The following KCNB2 variants were observed in gnomAD, a reference collection of about 807,000 sequenced individuals.
The protein encoded by KCNB2 is delayed rectifier potassium channel protein.
A neutral mutation model predicts 61.5 loss-of-function variants in KCNB2; 15 were observed. The observed-to-expected ratio is 0.24, with a 90% confidence interval of 0.16 to 0.38. The LOEUF (loss-of-function observed/expected upper bound fraction) is 0.38. KCNB2 is among the 10% of genes least tolerant of loss of function. The pLI, the probability that KCNB2 is intolerant of heterozygous loss-of-function variation, is 1.00. For missense variants in KCNB2, 828 were observed against 1,125.2 expected, an observed-to-expected ratio of 0.74 and a Z score of 3.78; for synonymous variants, 457 against 446.0, an observed-to-expected ratio of 1.02 and a Z score of -0.31.
chr8:72,795,157 C>CA (rs1809012513), intron 2 of KCNB2, among the ~76,000 whole-genome samples: 1 of 151,914 alleles, frequency 6.6e-6, no homozygotes, highest in African/African-American at 2.4e-5. Context: ...CCACTCCAGA[C>CA]AAAAAAAGCA....
intron 2 of KCNB2, among the ~76,000 whole-genome samples, chr8:72,597,968 C>A (rs1166570161): frequency 6.6e-6 from 1 of 152,092 alleles, no homozygotes; most frequent in Non-Finnish European, 1.5e-5. Context: ...CCCAGCAATC[C>A]CATTACTTGA....
intron 2 of KCNB2, among the ~76,000 whole-genome samples, chr8:72,623,766 G>A (rs1805747219): frequency 6.6e-6 from 1 of 152,146 alleles, no homozygotes; most frequent in Non-Finnish European, 1.5e-5. Context: ...ACTACAGGTA[G>A]GTCTTTACTC....
chr8:72,866,974 G>C (rs989063487), intron 2 of KCNB2, among the ~76,000 whole-genome samples: 1 of 152,134 alleles, frequency 6.6e-6, no homozygotes, highest in Non-Finnish European at 1.5e-5. Context: ...ATTGCACACT[G>C]TCCCAAAGGA....
chr8:72,597,667 T>C (rs1490948295), intron 2 of KCNB2, among the ~76,000 whole-genome samples: 1 of 152,224 alleles, frequency 6.6e-6, no homozygotes, highest in Non-Finnish European at 1.5e-5. Context: ...ATTAACTTTA[T>C]TGGGTAGGTG....
chr8:72,574,060 C>A (rs1463742123), intron 2 of KCNB2, among the ~76,000 whole-genome samples: 1 of 152,180 alleles, frequency 6.6e-6, no homozygotes, highest in Non-Finnish European at 1.5e-5. Context: ...TTTGCTTTTT[C>A]CTTTCTTAAA....
At chr8:72,731,911 G>A (rs1286222190) in intron 2 of KCNB2, 1 of 152,182 alleles carries the variant, frequency 6.6e-6, no homozygotes, top group Non-Finnish European at 1.5e-5. Flanking sequence ...CTAGGAACCA[G>A]CTGCCTAAAG....
intron 2 of KCNB2, among the ~76,000 whole-genome samples, chr8:72,761,741 A>G (rs1338442052): frequency 6.6e-6 from 1 of 152,162 alleles, no homozygotes; most frequent in African/African-American, 2.4e-5. Flanking sequence ...GCATACCAAC[A>G]AAATCCATTA....
intron 2 of KCNB2, among the ~76,000 whole-genome samples, chr8:72,794,154 G>A (rs764553596): frequency 6.6e-6 from 1 of 152,212 alleles, no homozygotes; most frequent in Non-Finnish European, 1.5e-5. Context: ...ATGGTGGTTT[G>A]TCCTAGTTTG....
intron 2 of KCNB2, among the ~76,000 whole-genome samples, chr8:72,777,737 G>A (rs1808679493): frequency 6.6e-6 from 1 of 152,116 alleles, no homozygotes; most frequent in Non-Finnish European, 1.5e-5. Flanking sequence ...AGGTTTAGTG[G>A]TCATTGGAGA....
At chr8:72,585,736 T>G (rs1806992714) in intron 2 of KCNB2, among the ~76,000 whole-genome samples, 1 of 152,232 alleles carries the variant, frequency 6.6e-6, no homozygotes, top group Non-Finnish European at 1.5e-5. Context: ...ATTTTTCATA[T>G]GAGTGATTAT....
chr8:72,798,403 T>G (rs1809067279), intron 2 of KCNB2, among the ~76,000 whole-genome samples: 1 of 152,152 alleles, frequency 6.6e-6, no homozygotes, highest in Non-Finnish European at 1.5e-5. Context: ...CTGTGTATAT[T>G]TCTTATATCA....
chr8:72,933,989 C>T (rs564313362), intron 2 of KCNB2, among the ~76,000 whole-genome samples: 87 of 152,218 alleles, frequency 5.7e-4, no homozygotes, highest in African/African-American at 1.9e-3. Context: ...GTCCATAAAT[C>T]TTTATTTACT....
intron 1 of KCNB2, among the ~76,000 whole-genome samples, chr8:72,539,073 A>ATGTG (rs35087756): frequency 7.9e-5 from 12 of 151,416 alleles, no homozygotes; most frequent in South Asian, 2.1e-4. Context: ...CTTTAGGGGC[A>ATGTG]TGTGTGTGTG....
intron 2 of KCNB2, among the ~76,000 whole-genome samples, chr8:72,769,469 A>G (rs1031728898): frequency 1.3e-5 from 2 of 152,202 alleles, no homozygotes; most frequent in Non-Finnish European, 2.9e-5. Flanking sequence ...CACAGACAAA[A>G]CTGAAACATA....
At chr8:72,602,970 G>C (rs535070097) in intron 2 of KCNB2, among the ~76,000 whole-genome samples, 295 of 150,242 alleles carry the variant, frequency 2.0e-3, no homozygotes, top group African/African-American at 7.0e-3. Context: ...AAAAAAGGCG[G>C]CATGCCCGCT....
chr8:72,799,000 G>A (rs1809076947), intron 2 of KCNB2, among the ~76,000 whole-genome samples: 2 of 152,282 alleles, frequency 1.3e-5, no homozygotes, highest in South Asian at 2.1e-4. Flanking sequence ...ATCTCTGGGG[G>A]CATTATCACT....
At chr8:72,612,303 A>T (rs959400778) in intron 2 of KCNB2, among the ~76,000 whole-genome samples, 1 of 152,336 alleles carries the variant, frequency 6.6e-6, no homozygotes, top group African/African-American at 2.4e-5. Flanking sequence ...GTGACATTTA[A>T]CCTGTCCACA....
chr8:72,656,296 A>G (rs1346336068), intron 2 of KCNB2, among the ~76,000 whole-genome samples: 1 of 152,198 alleles, frequency 6.6e-6, no homozygotes. Flanking sequence ...TCTTAAAGAC[A>G]AAGCAACTTG....
At chr8:72,653,196 C>A (rs117343799) in intron 2 of KCNB2, among the ~76,000 whole-genome samples, 1 of 152,146 alleles carries the variant, frequency 6.6e-6, no homozygotes, top group Non-Finnish European at 1.5e-5. Flanking sequence ...GATTCTTATT[C>A]CATTAAGGTC....
Sources: allele counts gnomAD v4.1 joint callset (sites outside exome capture counted in the v4.1 genomes callset), GRCh38; gene constraint gnomAD v4.1.1; transcripts MANE v1.5; gene names NCBI Gene and HGNC (gene_info 2026-07-23, HGNC 2026-07-21).